The following EIPR1 variants were observed in gnomAD, a reference collection of about 807,000 sequenced individuals.
EIPR1 encodes EARP and GARP complex-interacting protein 1.
In EIPR1, 25 loss-of-function variants were observed where a neutral mutation model predicts 48.1. That is an observed-to-expected ratio of 0.52 (90% CI 0.38 to 0.73). The LOEUF (loss-of-function observed/expected upper bound fraction) is 0.73. Among genes scored for constraint, EIPR1 ranks in the 30% least tolerant of loss-of-function variants. EIPR1 has a pLI of 0.00. For missense variants in EIPR1, 415 were observed against 506.2 expected (o/e 0.82, Z 1.73); for synonymous variants, 204 against 201.9 (o/e 1.01, Z -0.09).
chr2:3,356,464 G>A (rs1670731546), intron 1 of EIPR1, among the ~76,000 whole-genome samples: 1 of 152,196 alleles, frequency 6.6e-6, no homozygotes, highest in African/African-American at 2.4e-5. Context: ...TTGTACAACT[G>A]GTTACTAGAG....
At chr2:3,275,123 G>A (rs1194681249) in intron 3 of EIPR1, among the ~76,000 whole-genome samples, 1 of 152,172 alleles carries the variant, frequency 6.6e-6, no homozygotes, top group African/African-American at 2.4e-5. Flanking sequence ...GCTGGATATT[G>A]TTAGACTGAA....
intron 5 of EIPR1, chr2:3,208,738 G>C: frequency 5.2e-6 from 8 of 1,548,544 alleles, no homozygotes; most frequent in Non-Finnish European, 7.0e-6. Flanking sequence ...GCTCGTGGCG[G>C]GTCCTTCTGT....
chr2:3,375,120 T>C (rs902781217), intron 1 of EIPR1, among the ~76,000 whole-genome samples: 11 of 151,550 alleles, frequency 7.3e-5, no homozygotes, highest in Non-Finnish European at 1.3e-4. Flanking sequence ...CTCAGTAAAC[T>C]GTCGCAAGGA....
chr2:3,256,851 G>A (rs1364853601), intron 4 of EIPR1, among the ~76,000 whole-genome samples: 6 of 152,356 alleles, frequency 3.9e-5, no homozygotes, highest in South Asian at 2.1e-4. Context: ...TGCCGGACAC[G>A]GGCGGGCTTG....
chr2:3,293,252 TC>T (rs1323591958), intron 3 of EIPR1, among the ~76,000 whole-genome samples: 1 of 152,202 alleles, frequency 6.6e-6, no homozygotes, highest in East Asian at 1.9e-4. Context: ...CTAACCGGGT[TC>T]CCAGGACACC....
chr2:3,339,508 G>A (rs544618129), intron 2 of EIPR1, among the ~76,000 whole-genome samples: 1 of 152,226 alleles, frequency 6.6e-6, no homozygotes, highest in South Asian at 2.1e-4. Flanking sequence ...CAAACCTCAC[G>A]TCAAATTGTA....
chr2:3,301,122 T>C (rs1572414833), intron 3 of EIPR1: 1 of 152,024 alleles, frequency 6.6e-6, no homozygotes, highest in Non-Finnish European at 1.5e-5. Context: ...TTTTGGGAAA[T>C]GACAGTTTCT....
chr2:3,197,611 G>A (rs1319442281), intron 5 of EIPR1, among the ~76,000 whole-genome samples: 1 of 152,228 alleles, frequency 6.6e-6, no homozygotes, highest in Non-Finnish European at 1.5e-5. Context: ...CCAGTTGTGA[G>A]CCTGCAAGAA....
intron 4 of EIPR1, among the ~76,000 whole-genome samples, chr2:3,215,163 C>T (rs1008799732): frequency 3.3e-5 from 5 of 152,242 alleles, no homozygotes; most frequent in Non-Finnish European, 5.9e-5. Flanking sequence ...TCATCAGTAA[C>T]TAAGGAATGG....
Position 3,229,970 on chromosome 2 carries a change from G to A in EIPR1, c.417-15722C>T, listed in dbSNP as rs145423764. Among the ~76,000 whole-genome samples, 956 of 152,120 alleles carry A rather than the reference G, an allele frequency of 6.3e-3. 2 individuals are homozygous for A. Among genetic ancestry groups the A allele is most frequent in the Admixed American group, 0.011 (161 of 15,278 alleles). On this transcript the variant is annotated intron_variant, in intron 4 of 8. Transcript: ENST00000382125. The stretch of plus-strand genomic sequence containing the variant: ...ACTGTTACTCACAGGGGTATCTGCT[G>A]ACCTTTTTGACATTTTCAACACTAT...
intron 3 of EIPR1, among the ~76,000 whole-genome samples, chr2:3,287,050 T>C (rs1668207880): frequency 6.8e-6 from 1 of 147,358 alleles, no homozygotes; most frequent in Admixed American, 6.7e-5. Context: ...GAGGCGGCGG[T>C]GGGGAGCACA....
At chr2:3,337,619 C>T (rs777975147) in intron 3 of EIPR1, among the ~76,000 whole-genome samples, 3 of 152,090 alleles carry the variant, frequency 2.0e-5, no homozygotes, top group Admixed American at 1.3e-4. Flanking sequence ...AGTCAACGCG[C>T]GTGTGTGCAT....
chr2:3,369,327 T>C (rs1307204076), intron 1 of EIPR1, among the ~76,000 whole-genome samples: 2 of 152,368 alleles, frequency 1.3e-5, no homozygotes, highest in East Asian at 3.9e-4. Context: ...GGGTGATTTC[T>C]GCATTTCCAT....
At chr2:3,270,514 C>A (rs1244828587) in intron 3 of EIPR1, among the ~76,000 whole-genome samples, 2 of 151,842 alleles carry the variant, frequency 1.3e-5, no homozygotes, top group Non-Finnish European at 2.9e-5. Context: ...AGGCTTGGTT[C>A]TAGACCACCA....
chr2:3,366,885 T>C (rs1024460120), intron 1 of EIPR1, among the ~76,000 whole-genome samples: 1 of 151,908 alleles, frequency 6.6e-6, no homozygotes, highest in African/African-American at 2.4e-5. Context: ...AAACCCCATC[T>C]CTACTAAAAA....
rs74892507 is a variant in EIPR1, at chr2:3,321,814, G to A, written c.259+16203C>T. The stretch of plus-strand genomic sequence containing the variant: ...CTTCTTTCTACAGCTTAAAAAGCAC[G>A]TCCTGGACCAGGCGGGCACATCAGA... On this transcript the variant is annotated intron_variant, in intron 3 of 8. Transcript: ENST00000382125. 7.5e-3 allele frequency among the ~76,000 whole-genome samples: 1,136 copies of A among 152,230 alleles called. 39 individuals are homozygous for A. In the East Asian group the frequency reaches 0.082, roughly 11 times the overall value.
intron 3 of EIPR1, among the ~76,000 whole-genome samples, chr2:3,309,465 C>A (rs1219222352): frequency 3.9e-5 from 6 of 152,150 alleles, no homozygotes; most frequent in African/African-American, 1.4e-4. Context: ...AAACAAATAA[C>A]AACATGGCGG....
At chr2:3,353,117 A>G (rs1670628504) in intron 2 of EIPR1, 1 of 401,426 alleles carries the variant, frequency 2.5e-6, no homozygotes, top group African/African-American at 2.1e-5. Context: ...TTATGTTGTT[A>G]AGCTTTTGTT....
At chr2:3,322,190 CGGTCACGGTGAGGTGAT>C (rs1224692259) in intron 3 of EIPR1, among the ~76,000 whole-genome samples, 3 of 152,134 alleles carry the variant, frequency 2.0e-5, no homozygotes, top group East Asian at 1.9e-4. Context: ...TTAGGGCTGA[CGGTCACGGTGAGGTGAT>C]GGTCACGGTG....
Sources: gnomAD v4.1 joint callset for allele counts (sites outside exome capture counted in the v4.1 genomes callset) on GRCh38, gnomAD v4.1.1 for gene constraint, MANE v1.5 for transcripts, NCBI Gene and HGNC (gene_info 2026-07-23, HGNC 2026-07-21) for gene names.